Variants in ENPP1 observed in about 807,000 individuals in gnomAD.
ENPP1 encodes the protein ectonucleotide pyrophosphatase/phosphodiesterase family member 1.
A neutral mutation model predicts 122.8 loss-of-function variants in ENPP1; 73 were observed. The ratio of observed to expected loss-of-function variants is 0.59; its 90% confidence interval spans 0.49 to 0.72. The LOEUF is 0.72. Among genes scored for constraint, ENPP1 ranks in the 30% least tolerant of loss-of-function variants. The pLI is 0.00. For missense variants in ENPP1, 978 were observed against 1,128.1 expected (o/e 0.87, Z 1.91); for synonymous variants, 367 against 391.6 (o/e 0.94, Z 0.74).
At chr6:131,812,943 G>A (rs1215951482) in intron 1 of ENPP1, among the ~76,000 whole-genome samples, 5 of 152,008 alleles carry the variant, frequency 3.3e-5, no homozygotes, top group African/African-American at 4.8e-5. Flanking sequence ...GGGTTCAAGC[G>A]ATTCTTCTGT....
intron 7 of ENPP1, among the ~76,000 whole-genome samples, chr6:131,860,050 C>T (rs1475243971): frequency 1.3e-5 from 2 of 152,176 alleles, no homozygotes; most frequent in African/African-American, 4.8e-5. Flanking sequence ...TGGTCTCCAT[C>T]TCTTGACCTC....
intron 1 of ENPP1, chr6:131,826,545 C>A: frequency 8.1e-7 from 1 of 1,235,708 alleles, no homozygotes; most frequent in Non-Finnish European, 1.2e-6. Context: ...GGTTATTTTC[C>A]TTTAGGTCTA....
In ENPP1 at chr6:131,894,289, CTTT is replaced by C. The variant is rs773181835; in HGVS notation, c.*3790_*3792del. 3.0e-5 allele frequency: 4 copies of C among 132,706 alleles called. No homozygotes were observed. The highest frequency in any genetic ancestry group is 2.4e-4 in the South Asian group (1 of 4,112). 8.2% of individuals were successfully genotyped at this position (132,706 alleles called of 1,614,324 possible). A position where few individuals can be genotyped will look rare whatever the true frequency, so the allele number is the denominator to read the frequency against. ...TCTACTGTCATGCCTCACATCAGTC[CTTT>C]TTTTTTTTTTTGAGACAGAGTCTCG... On this transcript the variant is annotated 3_prime_UTR_variant, in exon 25 of 25. Transcript: ENST00000647893.
intron 24 of ENPP1, among the ~76,000 whole-genome samples, chr6:131,887,040 A>C (rs1456237116): frequency 6.7e-6 from 1 of 150,002 alleles, no homozygotes; most frequent in Non-Finnish European, 1.5e-5. Flanking sequence ...CTGAGATTGC[A>C]GGTGTGAGCC....
In ENPP1 at chr6:131,890,644, A is replaced by G. The variant is rs1190172733; in HGVS notation, c.*133A>G. 2.6e-6 allele frequency: 2 copies of G among 774,842 alleles called. No individual in the cohort carries two copies. Among genetic ancestry groups the G allele is most frequent in the East Asian group, 5.2e-5 (2 of 38,122 alleles). 48.0% of individuals were successfully genotyped at this position (774,842 alleles called of 1,614,324 possible). Reference sequence around the variant, plus strand: ...GAACGGAGCCCTCGGTGATGCGGACATCTCAGGGAAACTTGCGTACTCAGC... The same window carrying G: ...GAACGGAGCCCTCGGTGATGCGGACGTCTCAGGGAAACTTGCGTACTCAGC... On this transcript the variant is annotated 3_prime_UTR_variant, in exon 25 of 25. Transcript: ENST00000647893.
chr6:131,830,498 C>T (rs1416685326), intron 1 of ENPP1, among the ~76,000 whole-genome samples: 1 of 152,154 alleles, frequency 6.6e-6, no homozygotes, highest in Non-Finnish European at 1.5e-5. Context: ...CAGTGCCCAT[C>T]ACAGGCAGGG....
Position 131,884,964 on chromosome 6 carries a change from G to A in ENPP1, c.2345G>A (p.Arg782Gln), listed in dbSNP as rs375822204. ...IWRYFHDTLL[R>Q]KYAEERNGVN... ...CGCTACTTTCATGACACCCTACTGC[G>A]AAAGTATGCTGAAGAAAGAAATGGT... The change falls in exon 23 of 25, where the codon CGA becomes CAA. Residue 782 changes from arginine to glutamine, a missense_variant. Coordinates refer to ENST00000647893, the MANE Select transcript of ENPP1 (RefSeq NM_006208.3). The A allele has an allele frequency of 2.4e-5, 39 of 1,613,930 alleles. No homozygotes were observed. The Admixed American group carries it at 3.2e-4, about 13-fold the overall frequency.
chr6:131,878,433 A>G, intron 18 of ENPP1, 109 bp from the exon 19 acceptor site: 1 of 758,840 alleles, frequency 1.3e-6, no homozygotes, highest in Non-Finnish European at 2.3e-6. Context: ...CAAGACTATC[A>G]TAAATGATCT....
At chr6:131,831,590 A>G (rs775629719) in intron 1 of ENPP1, among the ~76,000 whole-genome samples, 6 of 152,116 alleles carry the variant, frequency 3.9e-5, no homozygotes, top group Non-Finnish European at 8.8e-5. Context: ...AAAGAGTATG[A>G]GTCATGTATT....
chr6:131,888,139 G>A (rs950443371), intron 24 of ENPP1, among the ~76,000 whole-genome samples: 1 of 151,938 alleles, frequency 6.6e-6, no homozygotes, highest in Non-Finnish European at 1.5e-5. Context: ...GGGGGTTACA[G>A]TCATGAGCCA....
chr6:131,870,346 T>G (rs1208895240), intron 13 of ENPP1, among the ~76,000 whole-genome samples: 1 of 152,216 alleles, frequency 6.6e-6, no homozygotes, highest in African/African-American at 2.4e-5. Context: ...TGACCACATG[T>G]GGAACATAAA....
chr6:131,844,570 A>G, intron 1 of ENPP1, among the ~76,000 whole-genome samples: 1 of 148,306 alleles, frequency 6.7e-6, no homozygotes. Context: ...GAAAAAGTGA[A>G]TGAACTGATG....
chr6:131,872,980 T>C lies in ENPP1; in HGVS notation c.1495T>C (p.Leu499=), dbSNP rs1410204236. The part of the protein sequence containing the change: ...PYLKHFLPKR[L]HFAKSDRIEP... ...CCTGAAACATTTCTTACCTAAGCGT[T>C]TGCACTTTGCTAAGAGTGATAGAAT... Residue 499 remains leucine, a synonymous_variant, in exon 15 of 25, where the codon TTG becomes CTG. Coordinates refer to ENST00000647893, the MANE Select transcript of ENPP1 (RefSeq NM_006208.3). The C allele has an allele frequency of 6.2e-7, 1 of 1,613,864 alleles. No individual in the cohort carries two copies.
At chr6:131,831,311 A>G (rs1781611227) in intron 1 of ENPP1, among the ~76,000 whole-genome samples, 1 of 152,130 alleles carries the variant, frequency 6.6e-6, no homozygotes, top group South Asian at 2.1e-4. Flanking sequence ...AGAGTTCCAT[A>G]TACTCCATGC....
At chr6:131,827,563 T>C (rs1269157375) in intron 1 of ENPP1, 4 of 600,286 alleles carry the variant, frequency 6.7e-6, no homozygotes, top group Non-Finnish European at 1.2e-5. Flanking sequence ...AACAGTCAAT[T>C]TAAAGAGTGA....
In ENPP1 at chr6:131,868,237, A is replaced by C. The variant is rs2114710426; in HGVS notation, c.1273+111A>C. On this transcript the variant is annotated intron_variant, in intron 12 of 24. Transcript: ENST00000647893. ...GTAGTTAATTCTTTTTTAAAAATGT[A>C]GTTTCTTATGGACAGTCTTTAGGAA... is the stretch of plus-strand genomic sequence containing the variant. 3.9e-6 allele frequency: 3 copies of C among 775,826 alleles called. No individual in the cohort carries two copies. The South Asian group carries it at 4.4e-5, about 12-fold the overall frequency. The allele number at this position is 775,826 out of a possible 1,614,324, so 48.1% of individuals were successfully genotyped here.
chr6:131,894,240 C>T lies in ENPP1; in HGVS notation c.*3729C>T, dbSNP rs1476328080. 1.3e-5 allele frequency: 2 copies of T among 149,000 alleles called. No homozygotes were observed. The highest frequency in any genetic ancestry group is 5.0e-5 in the African/African-American group (2 of 40,286). The allele number at this position is 149,000 out of a possible 1,614,324, so 9.2% of individuals were successfully genotyped here. On this transcript the variant is annotated 3_prime_UTR_variant, in exon 25 of 25. Coordinates refer to ENST00000647893, the MANE Select transcript of ENPP1 (RefSeq NM_006208.3). ...AAGTGCTGGGATTACAGGCTCGAGC[C>T]ACTGCCTCCAGCCTATCCTGATTTC...
At chr6:131,816,001 G>A (rs529164855) in intron 1 of ENPP1, among the ~76,000 whole-genome samples, 48 of 150,176 alleles carry the variant, frequency 3.2e-4, no homozygotes, top group African/African-American at 9.2e-4. Flanking sequence ...GATTACAGGC[G>A]TGAGCCACCA....
intron 1 of ENPP1, among the ~76,000 whole-genome samples, chr6:131,832,794 C>T (rs763703783): frequency 8.5e-5 from 13 of 152,120 alleles, no homozygotes; most frequent in East Asian, 3.8e-4. Flanking sequence ...TCTCTGTGCA[C>T]GGAATGGTTG....
Sources: gnomAD v4.1 joint callset for allele counts (sites outside exome capture counted in the v4.1 genomes callset) on GRCh38, gnomAD v4.1.1 for gene constraint, MANE v1.5 for transcripts, NCBI Gene and HGNC (gene_info 2026-07-23, HGNC 2026-07-21) for gene names.